Variants in ACACB observed in about 807,000 individuals in gnomAD.
ACACB encodes the protein acetyl-CoA carboxylase 2.
Under a neutral mutation model 278.8 loss-of-function variants are expected in ACACB, and 209 were observed. That is an observed-to-expected ratio of 0.75 (90% CI 0.67 to 0.84). The LOEUF is 0.84. ACACB is among the 40% of genes least tolerant of loss of function. The probability of loss-of-function intolerance (pLI) is 0.00; values close to 1 mark genes in which losing one functional copy is unlikely to be tolerated. For missense variants in ACACB, 2,850 were observed against 3,269.0 expected (o/e 0.87, Z 3.13); for synonymous variants, 1,174 against 1,285.6 (o/e 0.91, Z 1.86).
At chr12:109,113,889 G>A (rs570298341), upstream of ACACB, among the ~76,000 whole-genome samples, 11 of 152,372 alleles carry the variant, frequency 7.2e-5, no homozygotes, top group East Asian at 2.1e-3. Flanking sequence ...TCCTCTGCTG[G>A]AGATGGCCTC....
Position 109,185,617 on chromosome 12 carries a change from C to G in ACACB, c.1857C>G (p.Ile619Met). Reference sequence around the variant, plus strand: ...TGCCACTGCACCGGCTGAAGGATATCCGGCTTCTGTATGGAGAGTCACCAT... The same window carrying G: ...TGCCACTGCACCGGCTGAAGGATATGCGGCTTCTGTATGGAGAGTCACCAT... Reference protein sequence around the residue: ...MGVPLHRLKDIRLLYGESPWG... With the variant: ...MGVPLHRLKDMRLLYGESPWG... Residue 619 changes from isoleucine to methionine, a missense_variant, in exon 12 of 53, where the codon ATC becomes ATG. Around this residue, in one of 3 missense-constraint regions of ACACB, gnomAD observed 2,265 missense variants for 2,561.3 expected, o/e 0.88. Transcript: ENST00000338432. 2 of 1,613,962 alleles carry G rather than the reference C, an allele frequency of 1.2e-6. No individual in the cohort carries two copies. The highest frequency in any genetic ancestry group is 1.7e-6 in the Non-Finnish European group (2 of 1,179,970).
intron 1 of ACACB, among the ~76,000 whole-genome samples, chr12:109,133,202 C>A (rs2042874758): frequency 6.6e-6 from 1 of 152,016 alleles, no homozygotes; most frequent in Non-Finnish European, 1.5e-5. Flanking sequence ...AATTCACAAC[C>A]ATTGTAGCAC....
chr12:109,160,942 A>G lies in ACACB; in HGVS notation c.654-5919A>G, dbSNP rs1457415802. Among the ~76,000 whole-genome samples, 7 of 152,136 alleles carry G rather than the reference A, an allele frequency of 4.6e-5. No homozygotes were observed. In the East Asian group the frequency reaches 1.2e-3, roughly 25 times the overall value. Reference sequence around the variant, plus strand: ...TTTTTCTTTGTTGTGCTTTAGGTCAAATTGCTAGAGTTTTAATGTTTGTGT... The same window carrying G: ...TTTTTCTTTGTTGTGCTTTAGGTCAGATTGCTAGAGTTTTAATGTTTGTGT... On this transcript the variant is annotated intron_variant, in intron 2 of 52. Coordinates refer to ENST00000338432, the MANE Select transcript of ACACB (RefSeq NM_001093.4).
Position 109,245,700 on chromosome 12 carries a change from C to T in ACACB, c.5253C>T (p.Asp1751=). Residue 1751 remains aspartate (D), a synonymous_variant, in exon 38 of 53, where the codon GAC becomes GAT. Coordinates refer to ENST00000338432, the MANE Select transcript of ACACB (RefSeq NM_001093.4). The part of the protein sequence containing the change: ...DILTYTELVL[D]SQGQLVEMNR... Reference sequence around the variant, plus strand: ...TGACATACACTGAATTAGTGTTGGACTCTCAGGGCCAGCTGGTGGAGATGA... The same window carrying T: ...TGACATACACTGAATTAGTGTTGGATTCTCAGGGCCAGCTGGTGGAGATGA... 2 of 1,614,176 alleles carry T rather than the reference C, an allele frequency of 1.2e-6. No homozygotes were observed. Among genetic ancestry groups the T allele is most frequent in the Middle Eastern group, 1.6e-4 (1 of 6,062 alleles).
rs118014788 is a variant in ACACB, at chr12:109,173,981, G to T, written c.1118-151G>T. 0.022 allele frequency: 12,688 copies of T among 568,552 alleles called. 216 individuals carry two copies. Among genetic ancestry groups the T allele is most frequent in the Non-Finnish European group, 0.028 (9,260 of 326,734 alleles). 35.2% of individuals were successfully genotyped at this position (568,552 alleles called of 1,614,324 possible). ...ACAGATTATTTTTCTTCCCTGACAT[G>T]AGGTTAAGCTCCTTGAGAGCTGGGA... On this transcript the variant is annotated intron_variant, in intron 6 of 52. Transcript: ENST00000338432.
chr12:109,220,241 A>G (rs958531942), intron 24 of ACACB, among the ~76,000 whole-genome samples: 1 of 152,324 alleles, frequency 6.6e-6, no homozygotes, highest in South Asian at 2.1e-4. Flanking sequence ...GTCTCGGGAT[A>G]AATGTGAGAT....
At chr12:109,146,373 T>G (rs2043243219) in intron 2 of ACACB, among the ~76,000 whole-genome samples, 2 of 152,230 alleles carry the variant, frequency 1.3e-5, no homozygotes, top group Non-Finnish European at 2.9e-5. Context: ...GGCCAGTAGC[T>G]GGGAGACTGG....
chr12:109,188,355 T>C (rs2044745123), intron 13 of ACACB, among the ~76,000 whole-genome samples, 193 bp downstream of exon 13: 1 of 148,078 alleles, frequency 6.8e-6, no homozygotes, highest in Non-Finnish European at 1.5e-5. Context: ...CCTTCCTTTC[T>C]TCCTTCCTTC....
chr12:109,139,907 G>A lies in ACACB; in HGVS notation c.502G>A (p.Gly168Ser). 1.2e-6 allele frequency: 2 copies of A among 1,614,164 alleles called. No homozygotes were observed. Among genetic ancestry groups the A allele is most frequent in the Non-Finnish European group, 1.7e-6 (2 of 1,180,026 alleles). The change falls in exon 2 of 53, where the codon GGC (glycine) becomes AGC (serine). Residue 168 changes from glycine to serine, a missense_variant. Around this residue, in one of 3 missense-constraint regions of ACACB, gnomAD observed 2,265 missense variants for 2,561.3 expected, o/e 0.88. Coordinates refer to ENST00000338432, the MANE Select transcript of ACACB (RefSeq NM_001093.4). ...KRQLMTNFIL[G>S]SFDDYSSDED... ...GCAGCTGATGACCAACTTCATCCTGGGCTCTTTTGATGACTACTCCTCCGA... is the reference window on the plus strand; with the variant it reads ...GCAGCTGATGACCAACTTCATCCTGAGCTCTTTTGATGACTACTCCTCCGA...
intron 11 of ACACB, 98 bp from the exon 12 acceptor site, chr12:109,185,481 A>G (rs1427233239): frequency 3.0e-6 from 4 of 1,335,304 alleles, no homozygotes; most frequent in Middle Eastern, 1.8e-4. Context: ...ATCCTAAATC[A>G]TTGACTGAAC....
chr12:109,159,922 T>C (rs1461920580), intron 2 of ACACB, among the ~76,000 whole-genome samples: 2 of 151,832 alleles, frequency 1.3e-5, no homozygotes, highest in Non-Finnish European at 2.9e-5. Flanking sequence ...AAACCCCATT[T>C]CTACTAAAAA....
chr12:109,194,181 T>C (rs2045006567), intron 16 of ACACB, among the ~76,000 whole-genome samples: 1 of 147,474 alleles, frequency 6.8e-6, no homozygotes, highest in African/African-American at 2.6e-5. Flanking sequence ...CTGTCTCTGT[T>C]TTTTTTTTTT....
intron 2 of ACACB, 88 bp downstream of exon 2, chr12:109,140,146 C>A: frequency 7.2e-7 from 1 of 1,391,736 alleles, no homozygotes; most frequent in Non-Finnish European, 9.5e-7. Context: ...CTTGATCAAG[C>A]TGTTTGCTGA....
At chr12:109,185,218 G>A (rs2044612291) in intron 11 of ACACB, among the ~76,000 whole-genome samples, 1 of 152,102 alleles carries the variant, frequency 6.6e-6, no homozygotes, top group Non-Finnish European at 1.5e-5. Flanking sequence ...TCCCCTTCGG[G>A]TGCCCTTTAC....
chr12:109,152,642 T>TA (rs2043407669), intron 2 of ACACB, among the ~76,000 whole-genome samples: 1 of 116,294 alleles, frequency 8.6e-6, no homozygotes, highest in South Asian at 2.6e-4. Context: ...CTTTCTTTCT[T>TA]TTTTTTTTTT....
intron 28 of ACACB, among the ~76,000 whole-genome samples, chr12:109,228,972 T>A (rs188411953): frequency 7.5e-4 from 114 of 152,284 alleles, no homozygotes; most frequent in Middle Eastern, 3.4e-3. Flanking sequence ...TTATTTATTT[T>A]TTTTGAGATG....
chr12:109,229,812 C>T (rs574976378), intron 28 of ACACB, among the ~76,000 whole-genome samples: 13 of 152,248 alleles, frequency 8.5e-5, no homozygotes, highest in African/African-American at 1.4e-4. Flanking sequence ...GGATGACAGG[C>T]GCCACCATGC....
chr12:109,218,486 A>G (rs1473464128), intron 24 of ACACB, among the ~76,000 whole-genome samples: 1 of 152,158 alleles, frequency 6.6e-6, no homozygotes, highest in Non-Finnish European at 1.5e-5. Flanking sequence ...GGCCTCCCAA[A>G]GTGCTGGGAT....
At chr12:109,235,746 C>A in intron 33 of ACACB, 99 bp downstream of exon 33, 3 of 1,135,142 alleles carry the variant, frequency 2.6e-6, no homozygotes, top group Admixed American at 4.5e-5. Flanking sequence ...GCCCGTAATC[C>A]TAGCACTTTG....
Sources: gnomAD v4.1 joint callset for allele counts (sites outside exome capture counted in the v4.1 genomes callset) on GRCh38, gnomAD v4.1.1 for gene constraint, gnomAD v4.1.1 regional missense constraint, MANE v1.5 for transcripts, NCBI Gene and HGNC (gene_info 2026-07-23, HGNC 2026-07-21) for gene names.